Variants in STARD4 observed in about 807,000 individuals in gnomAD.
STARD4 encodes the protein stAR-related lipid transfer protein 4.
Under a neutral mutation model 24.9 loss-of-function variants are expected in STARD4, and 33 were observed. The ratio of observed to expected loss-of-function variants is 1.32; its 90% CI spans 1.00 to 1.77. The LOEUF (loss-of-function observed/expected upper bound fraction) is 1.77, where lower values mean the gene tolerates loss of function less well. STARD4 is among the 40% of genes most tolerant of loss of function. STARD4 has a pLI of 0.00. For synonymous variants in STARD4, 88 were observed against 77.4 expected (o/e 1.14, Z -0.72); for missense variants, 238 against 249.3 (o/e 0.95, Z 0.31).
intron 1 of STARD4, among the ~76,000 whole-genome samples, chr5:111,508,503 AAG>A (rs1757023422): frequency 6.6e-6 from 1 of 152,172 alleles, no homozygotes. Flanking sequence ...TAAAGAAGAA[AAG>A]AGTTTTAGGG....
chr5:111,508,983 T>G (rs1390125708), intron 1 of STARD4, among the ~76,000 whole-genome samples: 2 of 152,082 alleles, frequency 1.3e-5, no homozygotes, highest in African/African-American at 4.8e-5. Context: ...ACTTTTAGGA[T>G]CTATGTAAGT....
rs972633397 is a variant in STARD4 at position 111,496,423 on chromosome 5, A to T, written c.*3463T>A. ...CAACACAGGTTCTAGGGGAAACCTGATCAAGCCCTTAGCTTCTCTAGTTCT... is the reference window on the plus strand; with the variant it reads ...CAACACAGGTTCTAGGGGAAACCTGTTCAAGCCCTTAGCTTCTCTAGTTCT... On this transcript the variant is annotated 3_prime_UTR_variant, in exon 6 of 6. Coordinates refer to ENST00000296632, the MANE Select transcript of STARD4 (RefSeq NM_139164.3). The T allele has an allele frequency of 6.6e-6, 1 of 152,136 alleles. No homozygotes were observed. The highest frequency in any genetic ancestry group is 2.4e-5 in the African/African-American group (1 of 41,456). 9.4% of individuals were successfully genotyped at this position (152,136 alleles called of 1,614,324 possible).
chr5:111,497,598 TTAAA>T lies in STARD4; in HGVS notation c.*2284_*2287del, dbSNP rs2112532377. Reference sequence around the variant, plus strand: ...ATGATAACATTTTGGATGTATTGAGTTAAATAAAATATTAAAATTAACTTCAGCT... The same window carrying T: ...ATGATAACATTTTGGATGTATTGAGTTAAAATATTAAAATTAACTTCAGCT... On this transcript the variant is annotated 3_prime_UTR_variant, in exon 6 of 6. Transcript: ENST00000296632. 6.6e-6 allele frequency: 1 copy of T among 152,206 alleles called. No homozygotes were observed. Among genetic ancestry groups the T allele is most frequent in the South Asian group, 2.1e-4 (1 of 4,826 alleles). The allele number at this position is 152,206 out of a possible 1,614,324, so 9.4% of individuals were successfully genotyped here.
Position 111,500,068 on chromosome 5 carries a change from C to G in STARD4, c.436G>C (p.Val146Leu). ...CCACAGGGATGGTTATATCCTCGAA[C>G]AAATTCTGGTCTCTTTTCATCCCAG... ...LDWDEKRPEF[V>L]RGYNHPCGWF... is the part of the protein sequence containing the mutation. Residue 146 changes from valine (V) to leucine (L), a missense_variant, in exon 6 of 6, where the codon GTT (valine) becomes CTT (leucine). Physicochemically the swap from Val to Leu is conservative, Grantham distance 32. Transcript: ENST00000296632. 6.2e-7 allele frequency: 1 copy of G among 1,613,724 alleles called. No homozygotes were observed. The highest frequency in any genetic ancestry group is 1.3e-5 in the African/African-American group (1 of 75,026).
intron 5 of STARD4, 95 bp from the exon 6 acceptor site, chr5:111,500,201 A>AT: frequency 7.2e-7 from 1 of 1,396,326 alleles, no homozygotes; most frequent in Non-Finnish European, 9.3e-7. Flanking sequence ...TTAAATATTT[A>AT]TTATTATCCA....
At chr5:111,509,193 T>G (rs1171689643) in intron 1 of STARD4, among the ~76,000 whole-genome samples, 2 of 152,110 alleles carry the variant, frequency 1.3e-5, no homozygotes, top group Non-Finnish European at 2.9e-5. Context: ...GAGATTTAAT[T>G]TATCTATTAC....
chr5:111,504,081 G>A (rs910556191), intron 3 of STARD4, among the ~76,000 whole-genome samples: 1 of 152,216 alleles, frequency 6.6e-6, no homozygotes, highest in East Asian at 1.9e-4. Context: ...CTCGTAAGTA[G>A]TGAATGGAGG....
chr5:111,500,957 AT>A (rs780134973), intron 5 of STARD4, 44 bp downstream of exon 5: 1 of 1,612,660 alleles, frequency 6.2e-7, no homozygotes, highest in East Asian at 2.2e-5. Flanking sequence ...AAACACAAAT[AT>A]TTAAACCATA....
rs1756186458 is a variant in STARD4 at position 111,497,918 on chromosome 5, T to C, written c.*1968A>G. On this transcript the variant is annotated 3_prime_UTR_variant, in exon 6 of 6. Transcript: ENST00000296632. ...TGGCAACAGTGATAAACTTTAGATTTGTGTTAGGTATGAGTCTGCAAAAAA... is the reference window on the plus strand; with the variant it reads ...TGGCAACAGTGATAAACTTTAGATTCGTGTTAGGTATGAGTCTGCAAAAAA... The C allele has an allele frequency of 6.6e-6, 1 of 152,042 alleles. No homozygotes were observed. The allele number at this position is 152,042 out of a possible 1,614,324, so 9.4% of individuals were successfully genotyped here. A position where few individuals can be genotyped will look rare whatever the true frequency, so the allele number is the denominator to read the frequency against.
chr5:111,508,063 G>A (rs10055627), intron 1 of STARD4, among the ~76,000 whole-genome samples: 1 of 151,902 alleles, frequency 6.6e-6, no homozygotes. Context: ...CTAGCTTATC[G>A]CTGACTTGTG....
In STARD4 at chr5:111,507,966, C is replaced by T. The variant is rs1756986543; in HGVS notation, c.-9-524G>A. ...TCAAGTCAAAAGGCTTGGAATTGCC[C>T]TTAATAAGAATAGGTTCCTTTTAAC... On this transcript the variant is annotated intron_variant, in intron 1 of 5. Coordinates refer to ENST00000296632, the MANE Select transcript of STARD4 (RefSeq NM_139164.3). The surrounding 1 kb of genome is among the most constrained non-coding windows in gnomAD (Gnocchi z 4.4). Among the ~76,000 whole-genome samples, 2 of 152,192 alleles carry T rather than the reference C, an allele frequency of 1.3e-5. No individual in the cohort carries two copies. The highest frequency in any genetic ancestry group is 4.1e-4 in the South Asian group (2 of 4,820).
chr5:111,507,112 T>C lies in STARD4; in HGVS notation c.105+217A>G, dbSNP rs1490986827. ...GCCATGAGCCTATTCTCTTGTCTAA[T>C]ATCCAAAGAGCTAATGAAAGCAGTA... On this transcript the variant is annotated intron_variant, in intron 2 of 5. Coordinates refer to ENST00000296632, the MANE Select transcript of STARD4 (RefSeq NM_139164.3). This position sits in a 1 kb window ranked among gnomAD's most constrained non-coding sequence, Gnocchi z 4.4. 6.6e-6 allele frequency among the ~76,000 whole-genome samples: 1 copy of C among 152,218 alleles called. No homozygotes were observed. Among genetic ancestry groups the C allele is most frequent in the African/African-American group, 2.4e-5 (1 of 41,452 alleles).
At chr5:111,506,447 T>C in intron 2 of STARD4, 68 bp from the exon 3 acceptor site, 1 of 679,284 alleles carries the variant, frequency 1.5e-6, no homozygotes, top group Non-Finnish European at 2.4e-6. Context: ...AACTGATAAT[T>C]TTATAAGTCT....
At chr5:111,503,003 A>G (rs1756578748) in intron 3 of STARD4, among the ~76,000 whole-genome samples, 1 of 152,212 alleles carries the variant, frequency 6.6e-6, no homozygotes, top group South Asian at 2.1e-4. Context: ...AACAGTTTAT[A>G]GAATGCCATA....
In STARD4 at chr5:111,496,825, A is replaced by G. The variant is rs1488933072; in HGVS notation, c.*3061T>C. On this transcript the variant is annotated 3_prime_UTR_variant, in exon 6 of 6. Coordinates refer to ENST00000296632, the MANE Select transcript of STARD4 (RefSeq NM_139164.3). ...GATAGAAATCTACAATTTCAAATAT[A>G]TCCAACCTGAATGAACACTGAAATA... is the stretch of plus-strand genomic sequence containing the variant. 1 of 152,116 alleles carries G rather than the reference A, an allele frequency of 6.6e-6. No homozygotes were observed. 9.4% of individuals were successfully genotyped at this position (152,116 alleles called of 1,614,324 possible). A position where few individuals can be genotyped will look rare whatever the true frequency, so the allele number is the denominator to read the frequency against.
In STARD4 at chr5:111,507,105, T is replaced by TAG. The variant is rs1756916333; in HGVS notation, c.105+223_105+224insCT. ...TCTAGTTGCCATGAGCCTATTCTCT[T>TAG]GTCTAATATCCAAAGAGCTAATGAA... On this transcript the variant is annotated intron_variant, in intron 2 of 5. Transcript: ENST00000296632. The surrounding 1 kb of genome is among the most constrained non-coding windows in gnomAD (Gnocchi z 4.4). Among the ~76,000 whole-genome samples the TAG allele has an allele frequency of 1.3e-5, 2 of 152,226 alleles. No homozygotes were observed. The highest frequency in any genetic ancestry group is 4.8e-5 in the African/African-American group (2 of 41,454).
intron 3 of STARD4, among the ~76,000 whole-genome samples, chr5:111,504,348 T>C (rs987991771): frequency 6.6e-6 from 1 of 152,164 alleles, no homozygotes; most frequent in African/African-American, 2.4e-5. Flanking sequence ...GATTTACATA[T>C]GACAACATGG....
At chr5:111,511,334 A>G (rs1316514756) in intron 1 of STARD4, among the ~76,000 whole-genome samples, 1 of 152,230 alleles carries the variant, frequency 6.6e-6, no homozygotes, top group African/African-American at 2.4e-5. Flanking sequence ...AAAAATAACA[A>G]TAACATTTAT....
Position 111,498,858 on chromosome 5 carries a change from A to G in STARD4, c.*1028T>C, listed in dbSNP as rs1179241322. The G allele has an allele frequency of 6.6e-6, 1 of 152,216 alleles. No individual in the cohort carries two copies. The highest frequency in any genetic ancestry group is 1.5e-5 in the Non-Finnish European group (1 of 68,024). 9.4% of individuals were successfully genotyped at this position (152,216 alleles called of 1,614,324 possible). On this transcript the variant is annotated 3_prime_UTR_variant, in exon 6 of 6. Transcript: ENST00000296632. ...ACTGTTCCACTTTGTCAAAATGGGTATGAAGAACTTTGATTTATTCTTTCT... is the reference window on the plus strand; with the variant it reads ...ACTGTTCCACTTTGTCAAAATGGGTGTGAAGAACTTTGATTTATTCTTTCT...
Sources: allele counts gnomAD v4.1 joint callset (sites outside exome capture counted in the v4.1 genomes callset), GRCh38; gene constraint gnomAD v4.1.1; non-coding constraint Gnocchi (gnomAD v3.1); transcripts MANE v1.5; gene names NCBI Gene and HGNC (gene_info 2026-07-23, HGNC 2026-07-21).